Variants in TTC21B observed in about 807,000 individuals in gnomAD.
TTC21B encodes tetratricopeptide repeat domain 21B.
Under a neutral mutation model 175.1 loss-of-function variants are expected in TTC21B, and 127 were observed. The ratio of observed to expected loss-of-function variants is 0.73; its 90% confidence interval spans 0.63 to 0.84. The LOEUF (loss-of-function observed/expected upper bound fraction) is 0.84, where lower values mean the gene tolerates loss of function less well. Among genes scored for constraint, TTC21B ranks in the 40% least tolerant of loss-of-function variants. The pLI, the probability that TTC21B is intolerant of heterozygous loss-of-function variation, is 0.00. For missense variants in TTC21B, 1,561 were observed against 1,558.3 expected, an observed-to-expected ratio of 1.00 and a Z score of -0.03; for synonymous variants, 524 against 524.5, an observed-to-expected ratio of 1.00 and a Z score of 0.01.
At position 165,874,586 on chromosome 2, in the gene TTC21B, C is replaced by T; in HGVS notation, c.*169G>A. 2 of 624,078 alleles carry T rather than the reference C, an allele frequency of 3.2e-6. No individual in the cohort carries two copies. Among genetic ancestry groups the T allele is most frequent in the South Asian group, 3.8e-5 (2 of 52,786 alleles). 38.7% of individuals were successfully genotyped at this position (624,078 alleles called of 1,614,324 possible). ...TCTCATTCAACTCCATTAGGAAACA[C>T]CAATTTCACATAGTACTTCTCTTGA... On this transcript the variant is annotated 3_prime_UTR_variant, in exon 29 of 29. Transcript: ENST00000243344.
chr2:165,913,961 T>C (rs1048087328), intron 15 of TTC21B, among the ~76,000 whole-genome samples: 4 of 152,164 alleles, frequency 2.6e-5, no homozygotes, highest in African/African-American at 9.7e-5. Flanking sequence ...TGAAATGATG[T>C]GGGAGTGAAG....
In TTC21B at chr2:165,883,923, T is replaced by G. The variant is rs1684922282; in HGVS notation, c.3555A>C (p.Lys1185Asn). 1.2e-6 allele frequency: 2 copies of G among 1,614,038 alleles called. No homozygotes were observed. The highest frequency in any genetic ancestry group is 2.7e-5 in the African/African-American group (2 of 74,928). The stretch of plus-strand genomic sequence containing the variant: ...CAGCATCAATAGCATTCCAATTCAT[T>G]TTCGCAATACGCTTCAGCTGGTTTC... ...RARNQLKRIA[K>N]MNWNAIDAEE... is the part of the protein sequence containing the mutation. Residue 1185 changes from lysine to asparagine, a missense_variant, in exon 26 of 29, where the codon AAA (lysine) becomes AAC (asparagine). By Grantham distance (94) the Lys-to-Asn change is moderately conservative. Coordinates refer to ENST00000243344, the MANE Select transcript of TTC21B (RefSeq NM_024753.5).
intron 9 of TTC21B, 38 bp from the exon 10 acceptor site, chr2:165,929,785 C>T (rs781227676): frequency 7.3e-6 from 10 of 1,378,654 alleles, no homozygotes; most frequent in Non-Finnish European, 1.0e-5. Context: ...AAAGTCCACA[C>T]CAATTCAGGG....
At chr2:165,905,156 T>A (rs139027234) in intron 19 of TTC21B, among the ~76,000 whole-genome samples, 452 of 151,910 alleles carry the variant, frequency 3.0e-3, no homozygotes, top group African/African-American at 0.01. Flanking sequence ...AAGGCAAAGA[T>A]AGAATAATAG....
chr2:165,930,386 G>A, intron 8 of TTC21B, 22 bp from the exon 9 acceptor site: 1 of 1,560,242 alleles, frequency 6.4e-7, no homozygotes, highest in South Asian at 1.1e-5. Flanking sequence ...AAAAAATGAT[G>A]TAAGATTTCA....
chr2:165,945,421 T>C, intron 4 of TTC21B, 103 bp downstream of exon 4: 2 of 1,087,118 alleles, frequency 1.8e-6, no homozygotes, highest in Admixed American at 2.0e-5. Flanking sequence ...AAACTGGCAA[T>C]AGAGTGAACA....
At chr2:165,899,995 C>A (rs1178601884) in intron 20 of TTC21B, 115 bp from the exon 21 acceptor site, 305 of 204,236 alleles carry the variant, frequency 1.5e-3, no homozygotes, top group East Asian at 2.7e-3. Flanking sequence ...AATAAAATGC[C>A]AAGTATAATA....
chr2:165,907,513 T>C (rs1426701592), intron 19 of TTC21B, among the ~76,000 whole-genome samples, 165 bp downstream of exon 19: 1 of 152,220 alleles, frequency 6.6e-6, no homozygotes, highest in East Asian at 1.9e-4. Flanking sequence ...GTAGTAATAG[T>C]ATATTTAAAA....
intron 14 of TTC21B, among the ~76,000 whole-genome samples, chr2:165,916,576 T>C (rs1686184395): frequency 6.6e-6 from 1 of 152,318 alleles, no homozygotes; most frequent in African/African-American, 2.4e-5. Context: ...TGGTACTTCC[T>C]TTTTATTTCA....
rs367965246 is a variant in TTC21B, at chr2:165,926,991, C to CATATATATATATATAT, written c.1386+2128_1386+2143dup. 4.4e-3 allele frequency among the ~76,000 whole-genome samples: 65 copies of CATATATATATATATAT among 14,614 alleles called. 14 individuals carry two copies. The highest frequency in any genetic ancestry group is 0.17 in the Middle Eastern group (2 of 12). 9.6% of individuals were successfully genotyped at this position (14,614 alleles called of 152,430 possible). ...TATATGGAGTATATATATAAACTCC[C>CATATATATATATATAT]ATATATATATATATATATATATATA... On this transcript the variant is annotated intron_variant, in intron 11 of 28. Coordinates refer to ENST00000243344, the MANE Select transcript of TTC21B (RefSeq NM_024753.5).
At chr2:165,881,604 C>T (rs1232550983) in intron 26 of TTC21B, among the ~76,000 whole-genome samples, 1 of 151,952 alleles carries the variant, frequency 6.6e-6, no homozygotes, top group Non-Finnish European at 1.5e-5. Flanking sequence ...ATAATATATT[C>T]CTATGTCACT....
At chr2:165,889,775 T>G (rs1019023555) in intron 24 of TTC21B, among the ~76,000 whole-genome samples, 61 of 152,188 alleles carry the variant, frequency 4.0e-4, no homozygotes, top group African/African-American at 1.3e-3. Context: ...ACTTAATATC[T>G]ATTTAAATCC....
intron 3 of TTC21B, 79 bp downstream of exon 3, chr2:165,949,315 G>C: frequency 2.9e-6 from 3 of 1,027,260 alleles, no homozygotes; most frequent in Non-Finnish European, 4.6e-6. Flanking sequence ...TGATCAGACT[G>C]AATGACTTGG....
intron 8 of TTC21B, among the ~76,000 whole-genome samples, 193 bp from the exon 9 acceptor site, chr2:165,930,557 C>T (rs964554769): frequency 5.9e-5 from 9 of 151,836 alleles, no homozygotes; most frequent in South Asian, 2.1e-4. Flanking sequence ...TATATTCTAT[C>T]AGAACTTAAT....
intron 22 of TTC21B, 51 bp downstream of exon 22, chr2:165,898,635 G>C (rs1167178541): frequency 1.6e-6 from 2 of 1,230,172 alleles, no homozygotes; most frequent in Admixed American, 3.4e-5. Flanking sequence ...AAGAAAAAAG[G>C]AGAAAGGGAG....
At chr2:165,899,960 A>C (rs1574080474) in intron 20 of TTC21B, 80 bp from the exon 21 acceptor site, 1 of 782,876 alleles carries the variant, frequency 1.3e-6, no homozygotes, top group East Asian at 3.4e-5. Flanking sequence ...TACAGATTAA[A>C]CTTTAGTTGA....
chr2:165,920,418 T>C (rs1010660545), intron 12 of TTC21B, among the ~76,000 whole-genome samples: 1 of 152,192 alleles, frequency 6.6e-6, no homozygotes, highest in Non-Finnish European at 1.5e-5. Flanking sequence ...AATGACTTAC[T>C]AAACATGGCA....
chr2:165,911,514 T>C (rs1355133444), intron 17 of TTC21B, 49 bp from the exon 18 acceptor site: 3 of 1,607,740 alleles, frequency 1.9e-6, no homozygotes, highest in Non-Finnish European at 2.6e-6. Flanking sequence ...GAGAATGGCA[T>C]TCAAGCAGAG....
chr2:165,930,732 G>GTGTGTGTGT lies in TTC21B; in HGVS notation c.895-369_895-368insACACACACA. Among the ~76,000 whole-genome samples, 49 of 110,810 alleles carry GTGTGTGTGT rather than the reference G, an allele frequency of 4.4e-4. 3 individuals are homozygous for GTGTGTGTGT. Among genetic ancestry groups the GTGTGTGTGT allele is most frequent in the South Asian group, 6.5e-4 (2 of 3,070 alleles). 72.7% of individuals were successfully genotyped at this position (110,810 alleles called of 152,430 possible). On this transcript the variant is annotated intron_variant, in intron 8 of 28. Coordinates refer to ENST00000243344, the MANE Select transcript of TTC21B (RefSeq NM_024753.5). ...TATTTTATGGTTACGTGGGTATGGG[G>GTGTGTGTGT]GTGTGTGTGTGTGTGTGTGTGTGTG...
Sources: allele counts gnomAD v4.1 joint callset (sites outside exome capture counted in the v4.1 genomes callset), GRCh38; gene constraint gnomAD v4.1.1; transcripts MANE v1.5; gene names NCBI Gene and HGNC (gene_info 2026-07-23, HGNC 2026-07-21).